Variants in FARS2 observed in about 807,000 individuals in gnomAD.
FARS2 encodes the protein phenylalanine--tRNA ligase, mitochondrial.
In FARS2, 40 loss-of-function variants were observed where a neutral mutation model predicts 46.4. That is an observed-to-expected ratio of 0.86 (90% CI 0.67 to 1.12). The LOEUF (loss-of-function observed/expected upper bound fraction) is 1.12. Ranked by LOEUF, FARS2 falls within the 50% of genes most tolerant of loss-of-function variation. FARS2 has a pLI of 0.00. For synonymous variants in FARS2, 234 were observed against 214.9 expected, an observed-to-expected ratio of 1.09 and a Z score of -0.78; for missense variants, 513 against 567.9, an observed-to-expected ratio of 0.90 and a Z score of 0.98.
chr6:5,298,310 C>T (rs1768041410), intron 1 of FARS2, among the ~76,000 whole-genome samples: 1 of 152,168 alleles, frequency 6.6e-6, no homozygotes, highest in Non-Finnish European at 1.5e-5. Context: ...TGGACCCTGC[C>T]TCATCGGGGT....
intron 4 of FARS2, among the ~76,000 whole-genome samples, chr6:5,536,397 T>C (rs971923066): frequency 1.3e-5 from 2 of 152,202 alleles, no homozygotes; most frequent in South Asian, 4.1e-4. Flanking sequence ...TCTCATGTTA[T>C]AAGTTCTGAA....
At chr6:5,399,332 G>A (rs1218820204) in intron 2 of FARS2, among the ~76,000 whole-genome samples, 1 of 151,726 alleles carries the variant, frequency 6.6e-6, no homozygotes, top group East Asian at 1.9e-4. Flanking sequence ...GTGCCACCAC[G>A]CCTGGCTAAT....
intron 1 of FARS2, among the ~76,000 whole-genome samples, chr6:5,308,785 TATC>T (rs1235659896): frequency 6.6e-6 from 1 of 152,184 alleles, no homozygotes; most frequent in Non-Finnish European, 1.5e-5. Context: ...TCTAACAAAA[TATC>T]ATAAACTGGG....
the FARS2 span, among the ~76,000 whole-genome samples, chr6:5,252,700 G>A: frequency 1.3e-5 from 2 of 152,082 alleles, no homozygotes; most frequent in South Asian, 2.1e-4. Context: ...TTTGGTCAAT[G>A]AGCAAAAGCA....
chr6:5,386,211 A>G (rs1032531122), intron 2 of FARS2, among the ~76,000 whole-genome samples: 1 of 152,124 alleles, frequency 6.6e-6, no homozygotes, highest in Non-Finnish European at 1.5e-5. Flanking sequence ...AAGAAGGGGC[A>G]CTGTGTTTCA....
At chr6:5,766,946 G>A (rs1451487185) in intron 6 of FARS2, among the ~76,000 whole-genome samples, 1 of 151,112 alleles carries the variant, frequency 6.6e-6, no homozygotes, top group Non-Finnish European at 1.5e-5. Context: ...TTCTGTTCTT[G>A]AGGTTCATCC....
chr6:5,434,233 T>C (rs544483166), intron 4 of FARS2, among the ~76,000 whole-genome samples: 1 of 152,266 alleles, frequency 6.6e-6, no homozygotes, highest in Non-Finnish European at 1.5e-5. Flanking sequence ...TGCCTCAGCC[T>C]CCTGAGTAGC....
intron 4 of FARS2, among the ~76,000 whole-genome samples, chr6:5,489,451 C>G (rs1766971660): frequency 6.6e-6 from 1 of 152,114 alleles, no homozygotes; most frequent in African/African-American, 2.4e-5. Flanking sequence ...GAAACTCCAT[C>G]TCAAAAAATA....
intron 1 of FARS2, among the ~76,000 whole-genome samples, chr6:5,305,220 G>A (rs1581738431): frequency 6.6e-6 from 1 of 152,052 alleles, no homozygotes; most frequent in African/African-American, 2.4e-5. Context: ...TTATCCAGTT[G>A]GATTATAAAC....
chr6:5,327,572 A>G (rs906593004), intron 1 of FARS2, among the ~76,000 whole-genome samples: 2 of 152,166 alleles, frequency 1.3e-5, no homozygotes, highest in Non-Finnish European at 2.9e-5. Context: ...ACCATGTAAG[A>G]TATACCTTTG....
intron 5 of FARS2, among the ~76,000 whole-genome samples, chr6:5,548,945 A>G (rs770707554): frequency 2.6e-5 from 4 of 152,266 alleles, no homozygotes; most frequent in Non-Finnish European, 5.9e-5. Flanking sequence ...TAGATTATAG[A>G]TCATACTATT....
At chr6:5,724,788 A>G (rs1347929681) in intron 6 of FARS2, among the ~76,000 whole-genome samples, 2 of 152,242 alleles carry the variant, frequency 1.3e-5, no homozygotes, top group Non-Finnish European at 2.9e-5. Flanking sequence ...ACATTGAGCC[A>G]TAATCTGCCC....
At chr6:5,511,841 C>G (rs1768473567) in intron 4 of FARS2, among the ~76,000 whole-genome samples, 1 of 152,126 alleles carries the variant, frequency 6.6e-6, no homozygotes, top group Non-Finnish European at 1.5e-5. Context: ...GCTGAGAACC[C>G]TAAATAGAAC....
intron 4 of FARS2, among the ~76,000 whole-genome samples, chr6:5,467,294 T>G (rs1765565354): frequency 6.6e-6 from 1 of 152,160 alleles, no homozygotes; most frequent in Non-Finnish European, 1.5e-5. Flanking sequence ...GTAACAACAT[T>G]TTACTGCAGT....
intron 2 of FARS2, among the ~76,000 whole-genome samples, chr6:5,380,608 A>G (rs1308639425): frequency 6.6e-6 from 1 of 152,208 alleles, no homozygotes; most frequent in Non-Finnish European, 1.5e-5. Context: ...AAAAATGGCT[A>G]GCAGCCGGTG....
chr6:5,579,483 A>G (rs1425455048), intron 5 of FARS2, among the ~76,000 whole-genome samples: 1 of 152,172 alleles, frequency 6.6e-6, no homozygotes, highest in Non-Finnish European at 1.5e-5. Context: ...CATGTTGGCC[A>G]GGCTGGTCTC....
At chr6:5,290,356 G>A (rs1272260916) in intron 1 of FARS2, among the ~76,000 whole-genome samples, 2 of 152,152 alleles carry the variant, frequency 1.3e-5, no homozygotes, top group African/African-American at 4.8e-5. Context: ...AGAAACCATG[G>A]TATCTCACAG....
chr6:5,692,209 C>T (rs1175418556), intron 6 of FARS2, among the ~76,000 whole-genome samples: 3 of 152,310 alleles, frequency 2.0e-5, no homozygotes, highest in Admixed American at 6.5e-5. Flanking sequence ...ACCCACTGTC[C>T]GACACTGCCC....
At chr6:5,526,088 G>A (rs116755501) in intron 4 of FARS2, among the ~76,000 whole-genome samples, 3 of 152,256 alleles carry the variant, frequency 2.0e-5, no homozygotes, top group African/African-American at 4.8e-5. Flanking sequence ...GTATTGATAC[G>A]TGAGATTGGT....
Sources: allele counts gnomAD v4.1 joint callset (sites outside exome capture counted in the v4.1 genomes callset), GRCh38; gene constraint gnomAD v4.1.1; transcripts MANE v1.5; gene names NCBI Gene and HGNC (gene_info 2026-07-23, HGNC 2026-07-21).